ZHX3: variants seen among roughly 807,000 people sequenced by gnomAD.
ZHX3 encodes the protein zinc fingers and homeoboxes 3, also known as zinc fingers and homeoboxes protein 3.
ZHX3 carries 20 observed loss-of-function variants against 64.5 expected under a neutral mutation model. The observed-to-expected ratio is 0.31, with a 90% CI of 0.22 to 0.45. The LOEUF (loss-of-function observed/expected upper bound fraction) is 0.45, where lower values mean the gene tolerates loss of function less well. ZHX3 is among the 20% of genes least tolerant of loss of function. The pLI, the probability that ZHX3 is intolerant of heterozygous loss-of-function variation, is 1.00. For missense variants in ZHX3, 1,041 were observed against 1,195.8 expected (o/e 0.87, Z 1.91); for synonymous variants, 423 against 461.6 (o/e 0.92, Z 1.07).
In ZHX3 at chr20:41,185,302, A is replaced by G; in HGVS notation, c.2861-101T>C. The G allele has an allele frequency of 7.3e-7, 1 of 1,371,314 alleles. No individual in the cohort carries two copies. The highest frequency in any genetic ancestry group is 9.9e-7 in the Non-Finnish European group (1 of 1,012,778). 84.9% of individuals were successfully genotyped at this position (1,371,314 alleles called of 1,614,324 possible). A position where few individuals can be genotyped will look rare whatever the true frequency, so the allele number is the denominator to read the frequency against. ...TACCAGGGTGGCATCACTGGCTTTG[A>G]GGACCTCTTAATTCCATGAGCAATG... is the stretch of plus-strand genomic sequence containing the variant. On this transcript the variant is annotated intron_variant, in intron 3 of 3. Coordinates refer to ENST00000683867, the MANE Select transcript of ZHX3 (RefSeq NM_001384317.1). The surrounding 1 kb of genome is among the most constrained non-coding windows in gnomAD (Gnocchi z 5.0).
At chr20:41,270,906 T>C (rs2043112664) in intron 1 of ZHX3, among the ~76,000 whole-genome samples, 1 of 152,170 alleles carries the variant, frequency 6.6e-6, no homozygotes, top group South Asian at 2.1e-4. Flanking sequence ...TTAAACCTCA[T>C]CTTTGCTTAT....
chr20:41,212,986 G>A lies in ZHX3; in HGVS notation c.-150-7920C>T, dbSNP rs1206830930. Among the ~76,000 whole-genome samples the A allele has an allele frequency of 6.6e-6, 1 of 152,118 alleles. No individual in the cohort carries two copies. Among genetic ancestry groups the A allele is most frequent in the Non-Finnish European group, 1.5e-5 (1 of 68,008 alleles). ...CCAAACATCTATCAGCTGGTGAATG[G>A]GTAAGTAAAATATGATATATCCATA... is the stretch of plus-strand genomic sequence containing the variant. On this transcript the variant is annotated intron_variant, in intron 2 of 3. Transcript: ENST00000683867. The surrounding 1 kb of genome is among the most constrained non-coding windows in gnomAD (Gnocchi z 4.3).
In ZHX3 at chr20:41,265,585, T is replaced by C. The variant is rs1301759156; in HGVS notation, c.-151+3405A>G. 2.0e-5 allele frequency among the ~76,000 whole-genome samples: 3 copies of C among 152,136 alleles called. No homozygotes were observed. In the East Asian group the frequency reaches 5.8e-4, roughly 29 times the overall value. On this transcript the variant is annotated intron_variant, in intron 2 of 3. Coordinates refer to ENST00000683867, the MANE Select transcript of ZHX3 (RefSeq NM_001384317.1). ...CCTGGTCCTCAAGCTTGAGTGCACA[T>C]GAAATTCATTGTGCAGCTTTTTAAA...
At chr20:41,186,663 G>C (rs1424292858) in intron 3 of ZHX3, among the ~76,000 whole-genome samples, 1 of 150,892 alleles carries the variant, frequency 6.6e-6, no homozygotes, top group African/African-American at 2.5e-5. Flanking sequence ...TGTTTTCTCT[G>C]GGTGTGTGTT....
At chr20:41,193,443 C>T (rs182601276) in intron 3 of ZHX3, among the ~76,000 whole-genome samples, 260 of 152,022 alleles carry the variant, frequency 1.7e-3, no homozygotes, top group South Asian at 3.1e-3. Context: ...TTAAAATTTT[C>T]TTTTCAGATT....
Position 41,185,218 on chromosome 20 carries a change from T to C in ZHX3, c.2861-17A>G, listed in dbSNP as rs372269518. 13 of 1,599,514 alleles carry C rather than the reference T, an allele frequency of 8.1e-6. No homozygotes were observed. The highest frequency in any genetic ancestry group is 2.2e-5 in the East Asian group (1 of 44,738). On this transcript the variant is annotated splice_polypyrimidine_tract_variant and intron_variant, in intron 3 of 3. Coordinates refer to ENST00000683867, the MANE Select transcript of ZHX3 (RefSeq NM_001384317.1). This position sits in a 1 kb window ranked among gnomAD's most constrained non-coding sequence, Gnocchi z 5.0. Reference sequence around the variant, plus strand: ...AGTCTGTTTCTGAGAAGAAAACACATGCCTGTCACTCTACGGCAGCTGCCA... The same window carrying C: ...AGTCTGTTTCTGAGAAGAAAACACACGCCTGTCACTCTACGGCAGCTGCCA...
At position 41,184,829 on chromosome 20, in the gene ZHX3, T is replaced by G. The variant is rs1424221050; in HGVS notation, c.*362A>C. On this transcript the variant is annotated 3_prime_UTR_variant, in exon 4 of 4. Transcript: ENST00000683867. ...CCAAAGTTTCTACGTAATGACAGTG[T>G]TGATAATCTGATGTTTTATTTAACA... is the stretch of plus-strand genomic sequence containing the variant. 22 of 1,403,436 alleles carry G rather than the reference T, an allele frequency of 1.6e-5. No homozygotes were observed. The highest frequency in any genetic ancestry group is 5.0e-5 in the Admixed American group (2 of 40,276). 86.9% of individuals were successfully genotyped at this position (1,403,436 alleles called of 1,614,324 possible).
chr20:41,311,358 G>A (rs556488731), intron 1 of ZHX3, among the ~76,000 whole-genome samples: 2 of 152,270 alleles, frequency 1.3e-5, no homozygotes, highest in African/African-American at 4.8e-5. Context: ...TGAAAAAACA[G>A]ACTTAGACAT....
intron 3 of ZHX3, among the ~76,000 whole-genome samples, chr20:41,194,782 G>C (rs1306820851): frequency 6.6e-6 from 1 of 152,156 alleles, no homozygotes; most frequent in Non-Finnish European, 1.5e-5. Flanking sequence ...GATTTTGGGA[G>C]AGTGCGGGTT....
At chr20:41,189,024 A>G (rs2036779520) in intron 3 of ZHX3, among the ~76,000 whole-genome samples, 1 of 152,198 alleles carries the variant, frequency 6.6e-6, no homozygotes, top group Non-Finnish European at 1.5e-5. Flanking sequence ...GTATATGGTG[A>G]GAGATACAGG....
chr20:41,297,278 G>A (rs1200756214), intron 1 of ZHX3, among the ~76,000 whole-genome samples: 3 of 152,186 alleles, frequency 2.0e-5, no homozygotes, highest in African/African-American at 7.2e-5. Context: ...TCCCCCAATA[G>A]GCCTGAGTTG....
At chr20:41,230,622 T>C (rs1197711489) in intron 2 of ZHX3, among the ~76,000 whole-genome samples, 2 of 152,258 alleles carry the variant, frequency 1.3e-5, no homozygotes, top group East Asian at 1.9e-4. Context: ...ATAACTTTTA[T>C]ATCAATTACA....
At chr20:41,276,569 G>A (rs1366925346) in intron 1 of ZHX3, among the ~76,000 whole-genome samples, 2 of 152,246 alleles carry the variant, frequency 1.3e-5, no homozygotes, top group East Asian at 3.9e-4. Context: ...TTTTCTTTCT[G>A]TAAAGGGAGT....
chr20:41,296,578 C>T (rs895244026), intron 1 of ZHX3, among the ~76,000 whole-genome samples: 1 of 152,216 alleles, frequency 6.6e-6, no homozygotes, highest in Non-Finnish European at 1.5e-5. Context: ...CACACACGTG[C>T]ACATGAGCTC....
rs560008679 is a variant in ZHX3 at position 41,249,421 on chromosome 20, T to A, written c.-151+19569A>T. 2.0e-5 allele frequency among the ~76,000 whole-genome samples: 3 copies of A among 152,268 alleles called. No individual in the cohort carries two copies. The East Asian group carries it at 5.8e-4, about 29-fold the overall frequency. Reference sequence around the variant, plus strand: ...TCATGCTAAAAGTATAACAAACTACTGCATTATTCAGTGAGCATAAGAACA... The same window carrying A: ...TCATGCTAAAAGTATAACAAACTACAGCATTATTCAGTGAGCATAAGAACA... On this transcript the variant is annotated intron_variant, in intron 2 of 3. Coordinates refer to ENST00000683867, the MANE Select transcript of ZHX3 (RefSeq NM_001384317.1).
chr20:41,253,858 A>G (rs1482431008), intron 2 of ZHX3, among the ~76,000 whole-genome samples: 1 of 151,618 alleles, frequency 6.6e-6, no homozygotes, highest in African/African-American at 2.4e-5. Context: ...TAAAATACTG[A>G]TGGCTGAAAA....
At position 41,202,483 on chromosome 20, in the gene ZHX3, A is replaced by T; in HGVS notation, c.2434T>A (p.Phe812Ile). 6.2e-7 allele frequency: 1 copy of T among 1,613,954 alleles called. No homozygotes were observed. The highest frequency in any genetic ancestry group is 8.5e-7 in the Non-Finnish European group (1 of 1,179,992). ...GLPRPEVVRWFGDSRYALKNG... is the reference protein window; with the variant it reads ...GLPRPEVVRWIGDSRYALKNG... Reference sequence around the variant, plus strand: ...TTCAGTGCGTACCTGCTATCTCCAAACCAGCGCACCACCTCTGGCCGTGGC... The same window carrying T: ...TTCAGTGCGTACCTGCTATCTCCAATCCAGCGCACCACCTCTGGCCGTGGC... The change falls in exon 3 of 4, where the codon TTT (phenylalanine) becomes ATT (isoleucine). Residue 812 changes from phenylalanine to isoleucine, a missense_variant. By Grantham distance (21) the Phe-to-Ile change is conservative (BLOSUM62 0). Around this residue, in one of 4 missense-constraint regions of ZHX3, gnomAD observed 649 missense variants for 739.8 expected, o/e 0.88. Coordinates refer to ENST00000683867, the MANE Select transcript of ZHX3 (RefSeq NM_001384317.1). This position sits in a 1 kb window ranked among gnomAD's most constrained non-coding sequence, Gnocchi z 7.0.
chr20:41,205,483 C>T (rs952220704), intron 2 of ZHX3, among the ~76,000 whole-genome samples: 2 of 150,178 alleles, frequency 1.3e-5, no homozygotes, highest in Non-Finnish European at 3.0e-5. Context: ...ATAGCCTTCC[C>T]GCATATGAGA....
At chr20:41,301,473 C>G (rs187015789) in intron 1 of ZHX3, among the ~76,000 whole-genome samples, 1 of 152,294 alleles carries the variant, frequency 6.6e-6, no homozygotes, top group Non-Finnish European at 1.5e-5. Flanking sequence ...CTCTCCTCCT[C>G]TTAGTCTTGT....
Sources: allele counts gnomAD v4.1 joint callset (sites outside exome capture counted in the v4.1 genomes callset), GRCh38; gene constraint gnomAD v4.1.1; regional missense constraint gnomAD v4.1.1; non-coding constraint Gnocchi (gnomAD v3.1); transcripts MANE v1.5; gene names NCBI Gene and HGNC (gene_info 2026-07-23, HGNC 2026-07-21).